OCA2: variants seen among roughly 807,000 people sequenced by gnomAD.
OCA2 encodes OCA2 melanosomal transmembrane protein.
A neutral mutation model predicts 100.2 loss-of-function variants in OCA2; 77 were observed. The observed-to-expected ratio is 0.77, with a 90% CI of 0.64 to 0.93. The LOEUF is 0.93. Ranked by LOEUF, OCA2 falls within the 40% of genes least tolerant of loss-of-function variation. The pLI is 0.00. For synonymous variants in OCA2, 432 were observed against 439.2 expected (o/e 0.98, Z 0.21); for missense variants, 1,062 against 1,089.1 (o/e 0.98, Z 0.35).
the OCA2 span, among the ~76,000 whole-genome samples, chr15:27,744,649 G>A: frequency 6.6e-6 from 1 of 152,180 alleles, no homozygotes; most frequent in Admixed American, 6.5e-5. Context: ...ATATGCAGCT[G>A]ACAAAGCCAA....
At chr15:27,981,951 G>A (rs538083322) in intron 14 of OCA2, among the ~76,000 whole-genome samples, 1 of 152,322 alleles carries the variant, frequency 6.6e-6, no homozygotes, top group East Asian at 1.9e-4. Flanking sequence ...AGCTGGAGCA[G>A]TCATAGAGCT....
chr15:28,028,152 C>T (rs1356974482), intron 3 of OCA2, 93 bp from the exon 4 acceptor site: 5 of 1,391,562 alleles, frequency 3.6e-6, no homozygotes, highest in Admixed American at 1.8e-5. Context: ...GAAATGGCAC[C>T]GAATCAACCC....
At chr15:28,048,396 T>C (rs73377724) in intron 2 of OCA2, among the ~76,000 whole-genome samples, 9,765 of 152,244 alleles carry the variant, frequency 0.064, 1,043 homozygotes, top group African/African-American at 0.22. Context: ...ATACATCTTA[T>C]GGCCAACCAG....
At chr15:27,880,515 T>C (rs2036971006) in intron 19 of OCA2, among the ~76,000 whole-genome samples, 1 of 152,168 alleles carries the variant, frequency 6.6e-6, no homozygotes, top group Admixed American at 6.5e-5. Flanking sequence ...CATTTCTTTG[T>C]GTCCTCTTTG....
intron 23 of OCA2, among the ~76,000 whole-genome samples, chr15:27,771,637 T>G (rs533797851): frequency 6.6e-6 from 1 of 152,340 alleles, no homozygotes; most frequent in Admixed American, 6.5e-5. Context: ...TTCCACTAGT[T>G]TCTAGAATTT....
At chr15:27,769,258 A>G (rs1380235042) in intron 23 of OCA2, among the ~76,000 whole-genome samples, 1 of 152,218 alleles carries the variant, frequency 6.6e-6, no homozygotes, top group African/African-American at 2.4e-5. Flanking sequence ...GTCAAAGCAC[A>G]AATCACGATG....
chr15:28,016,655 G>T (rs1042331917), intron 7 of OCA2, among the ~76,000 whole-genome samples: 3 of 152,062 alleles, frequency 2.0e-5, no homozygotes, highest in Non-Finnish European at 4.4e-5. Context: ...GGTGGCATGT[G>T]CTTGTGGTCC....
intron 23 of OCA2, among the ~76,000 whole-genome samples, chr15:27,802,126 C>T (rs1378734661): frequency 2.6e-5 from 4 of 151,996 alleles, no homozygotes; most frequent in African/African-American, 9.7e-5. Flanking sequence ...AAGATCCATA[C>T]GTATACATCT....
intron 18 of OCA2, among the ~76,000 whole-genome samples, chr15:27,941,756 A>C (rs1007672287): frequency 1.3e-5 from 2 of 152,202 alleles, no homozygotes; most frequent in Non-Finnish European, 2.9e-5. Context: ...ATGGGCAAAA[A>C]TGCTCCAGAG....
intron 23 of OCA2, among the ~76,000 whole-genome samples, chr15:27,759,075 T>G (rs1218705809): frequency 6.6e-6 from 1 of 152,144 alleles, no homozygotes; most frequent in East Asian, 1.9e-4. Flanking sequence ...CAGTCAGAGA[T>G]AAATGACAAT....
At chr15:27,894,305 A>G in intron 19 of OCA2, among the ~76,000 whole-genome samples, 1 of 152,148 alleles carries the variant, frequency 6.6e-6, no homozygotes, top group East Asian at 1.9e-4. Context: ...TGACTTTGTC[A>G]CAGCCTCTGT....
At chr15:27,859,290 G>A (rs1378449782) in intron 21 of OCA2, among the ~76,000 whole-genome samples, 1 of 151,894 alleles carries the variant, frequency 6.6e-6, no homozygotes, top group Admixed American at 6.6e-5. Flanking sequence ...GATTGACTAA[G>A]AAAAAGAGAT....
At position 27,957,357 on chromosome 15, in the gene OCA2, C is replaced by T. The variant is rs901283338; in HGVS notation, c.1784+231G>A. Among the ~76,000 whole-genome samples the T allele has an allele frequency of 2.6e-5, 4 of 152,192 alleles. No individual in the cohort carries two copies. Among genetic ancestry groups the T allele is most frequent in the African/African-American group, 4.8e-5 (2 of 41,452 alleles). The stretch of plus-strand genomic sequence containing the variant: ...GAGCTGCACAACCCTGGGCACGCCG[C>T]TCAAATTCTCTGAGCCTCTGGTTTT... On this transcript the variant is annotated intron_variant, in intron 16 of 23. Coordinates refer to ENST00000354638, the MANE Select transcript of OCA2 (RefSeq NM_000275.3). The surrounding 1 kb of genome is among the most constrained non-coding windows in gnomAD (Gnocchi z 4.3).
At chr15:27,890,790 G>A (rs376083519) in intron 19 of OCA2, among the ~76,000 whole-genome samples, 87 of 152,292 alleles carry the variant, frequency 5.7e-4, no homozygotes, top group South Asian at 1.0e-3. Context: ...CACTTTGGGA[G>A]GCCGAGGCAG....
At chr15:28,090,319 T>C (rs2044850034) in intron 1 of OCA2, among the ~76,000 whole-genome samples, 1 of 152,232 alleles carries the variant, frequency 6.6e-6, no homozygotes, top group Non-Finnish European at 1.5e-5. Context: ...AGTGCAGTTA[T>C]AGAAGAACTG....
chr15:28,059,670 C>G (rs2043811283), intron 2 of OCA2, among the ~76,000 whole-genome samples: 1 of 152,162 alleles, frequency 6.6e-6, no homozygotes, highest in Non-Finnish European at 1.5e-5. Flanking sequence ...CTTTTGCTCC[C>G]TAGTAGTAAA....
chr15:28,022,903 T>A (rs977296636), intron 5 of OCA2, among the ~76,000 whole-genome samples: 7 of 152,216 alleles, frequency 4.6e-5, no homozygotes, highest in Non-Finnish European at 7.3e-5. Context: ...AGAGCATGTG[T>A]TTGTGGTAGC....
At chr15:28,082,299 C>G (rs552348975) in intron 1 of OCA2, among the ~76,000 whole-genome samples, 2 of 152,196 alleles carry the variant, frequency 1.3e-5, no homozygotes, top group East Asian at 1.9e-4. Flanking sequence ...TACCCCAACA[C>G]GCTGGACTCC....
In OCA2 at chr15:27,805,425, C is replaced by G. The variant is rs187633018; in HGVS notation, c.2432+39534G>C. ...TTCCAGATGCTTCGCTGGGCCTGAGCAGGCAGATGGCTGCACACCGCGGGG... is the reference window on the plus strand; with the variant it reads ...TTCCAGATGCTTCGCTGGGCCTGAGGAGGCAGATGGCTGCACACCGCGGGG... On this transcript the variant is annotated intron_variant, in intron 23 of 23. Coordinates refer to ENST00000354638, the MANE Select transcript of OCA2 (RefSeq NM_000275.3). 1.5e-3 allele frequency among the ~76,000 whole-genome samples: 234 copies of G among 152,348 alleles called. 1 individual carries two copies. The highest frequency in any genetic ancestry group is 5.2e-3 in the African/African-American group (217 of 41,582).
Sources: gnomAD v4.1 joint callset for allele counts (sites outside exome capture counted in the v4.1 genomes callset) on GRCh38, gnomAD v4.1.1 for gene constraint, Gnocchi (gnomAD v3.1) non-coding constraint, MANE v1.5 for transcripts, NCBI Gene and HGNC (gene_info 2026-07-23, HGNC 2026-07-21) for gene names.